LDAH: variants seen among roughly 807,000 people sequenced by gnomAD.
The protein encoded by LDAH is lipid droplet-associated hydrolase.
In LDAH, 26 loss-of-function variants were observed where a neutral mutation model predicts 29.6. That is an observed-to-expected ratio of 0.88 (90% CI 0.64 to 1.22). The LOEUF (loss-of-function observed/expected upper bound fraction) is 1.22. Ranked by LOEUF, LDAH falls within the 50% of genes most tolerant of loss-of-function variation. LDAH has a pLI of 0.00. For synonymous variants in LDAH, 117 were observed against 133.0 expected (o/e 0.88, Z 0.83); for missense variants, 344 against 387.3 (o/e 0.89, Z 0.94).
At chr2:20,817,299 A>G (rs1034069910) in intron 1 of LDAH, among the ~76,000 whole-genome samples, 7 of 152,076 alleles carry the variant, frequency 4.6e-5, no homozygotes, top group Admixed American at 6.6e-5. Flanking sequence ...TCACTGAAAA[A>G]GATAAAATGA....
intron 3 of LDAH, among the ~76,000 whole-genome samples, chr2:20,775,819 A>G (rs1669784797): frequency 6.6e-6 from 1 of 152,118 alleles, no homozygotes; most frequent in Non-Finnish European, 1.5e-5. Context: ...CACTTTATCA[A>G]ACTTGCACAT....
chr2:20,735,767 T>C (rs533193458), intron 5 of LDAH, among the ~76,000 whole-genome samples: 10 of 152,334 alleles, frequency 6.6e-5, no homozygotes, highest in Non-Finnish European at 1.0e-4. Flanking sequence ...AGTTACCCAT[T>C]TGACTTCTGT....
chr2:20,811,237 G>C (rs936963296), intron 1 of LDAH, among the ~76,000 whole-genome samples: 13 of 151,756 alleles, frequency 8.6e-5, no homozygotes, highest in Middle Eastern at 3.4e-3. Context: ...CCAGGATGGT[G>C]TCGATCTCCT....
At chr2:20,798,919 A>G (rs527667312) in intron 2 of LDAH, among the ~76,000 whole-genome samples, 1 of 152,032 alleles carries the variant, frequency 6.6e-6, no homozygotes, top group Non-Finnish European at 1.5e-5. Flanking sequence ...GAAGAAATAT[A>G]AGTATTTCAT....
Position 20,744,045 on chromosome 2 carries a change from C to T in LDAH, c.469-3840G>A, listed in dbSNP as rs1274768079. The stretch of plus-strand genomic sequence containing the variant: ...GGTGTTTTTACTCTCTAGCATTTCT[C>T]TTTGCTTTTTCCTTAGGATTTCCAT... On this transcript the variant is annotated intron_variant, in intron 4 of 6. Transcript: ENST00000237822. 2.6e-5 allele frequency among the ~76,000 whole-genome samples: 4 copies of T among 151,870 alleles called. No individual in the cohort carries two copies. The East Asian group carries it at 7.7e-4, about 29-fold the overall frequency.
chr2:20,756,493 T>A (rs1399520218), intron 4 of LDAH, among the ~76,000 whole-genome samples: 1 of 151,834 alleles, frequency 6.6e-6, no homozygotes, highest in Non-Finnish European at 1.5e-5. Flanking sequence ...CTCTAAAAAA[T>A]GTTTTCCTGA....
chr2:20,715,330 GC>G (rs1281515749), intron 5 of LDAH, among the ~76,000 whole-genome samples: 6 of 152,210 alleles, frequency 3.9e-5, no homozygotes, highest in Middle Eastern at 3.4e-3. Flanking sequence ...AAATTCAACA[GC>G]CCTTCATGCT....
At chr2:20,783,843 G>A (rs1431829170) in intron 3 of LDAH, among the ~76,000 whole-genome samples, 1 of 152,068 alleles carries the variant, frequency 6.6e-6, no homozygotes, top group African/African-American at 2.4e-5. Context: ...TCCTGAGTAG[G>A]CTGAACCACA....
At chr2:20,816,750 G>A (rs1672877365) in intron 1 of LDAH, among the ~76,000 whole-genome samples, 1 of 151,640 alleles carries the variant, frequency 6.6e-6, no homozygotes, top group Non-Finnish European at 1.5e-5. Context: ...ATAGAACACT[G>A]CAACCAATAA....
chr2:20,727,895 G>A (rs1666127191), intron 5 of LDAH, among the ~76,000 whole-genome samples: 1 of 152,182 alleles, frequency 6.6e-6, no homozygotes, highest in Non-Finnish European at 1.5e-5. Context: ...ACTAACTGAT[G>A]TAGGGCTACT....
chr2:20,819,112 A>T (rs935280600), intron 1 of LDAH, among the ~76,000 whole-genome samples: 1 of 152,094 alleles, frequency 6.6e-6, no homozygotes, highest in South Asian at 2.1e-4. Context: ...CACACACTAC[A>T]CTCAAGATGA....
intron 1 of LDAH, among the ~76,000 whole-genome samples, chr2:20,804,060 C>G (rs1009844005): frequency 3.3e-5 from 5 of 152,168 alleles, no homozygotes; most frequent in Non-Finnish European, 7.3e-5. Context: ...ACCTCTTCCT[C>G]TAAACTCACA....
intron 5 of LDAH, among the ~76,000 whole-genome samples, chr2:20,708,604 G>A (rs1434122628): frequency 6.6e-6 from 1 of 152,112 alleles, no homozygotes; most frequent in East Asian, 1.9e-4. Flanking sequence ...TTCAACAACT[G>A]GAACTTGGAC....
chr2:20,761,389 A>C (rs1181458825), intron 4 of LDAH, among the ~76,000 whole-genome samples: 1 of 22,896 alleles, frequency 4.4e-5, no homozygotes, highest in East Asian at 7.5e-4. Flanking sequence ...TGTGGCTATA[A>C]AAAAAAATTA....
chr2:20,702,143 A>G (rs1663991920), intron 5 of LDAH, among the ~76,000 whole-genome samples: 1 of 152,092 alleles, frequency 6.6e-6, no homozygotes, highest in Non-Finnish European at 1.5e-5. Flanking sequence ...CAATAGGGTT[A>G]GTCCCATTAC....
chr2:20,798,186 G>A (rs1671434563), intron 2 of LDAH, among the ~76,000 whole-genome samples: 1 of 152,092 alleles, frequency 6.6e-6, no homozygotes, highest in South Asian at 2.1e-4. Flanking sequence ...CCTCTTCTAA[G>A]GAAGCTACTA....
intron 1 of LDAH, among the ~76,000 whole-genome samples, chr2:20,813,714 G>A (rs114815938): frequency 6.6e-6 from 1 of 152,144 alleles, no homozygotes; most frequent in African/African-American, 2.4e-5. Flanking sequence ...CTTTCCCTCT[G>A]CAACCCTATC....
rs564814391 is a variant in LDAH, at chr2:20,790,202, A to G, written c.298+53T>C. ...CTCTTAACCTTAGCAAGCTTGCTAG[A>G]AACATGACCCTGCACTCACTCTAAA... On this transcript the variant is annotated intron_variant, in intron 3 of 6. Transcript: ENST00000237822. The G allele has an allele frequency of 3.2e-6, 5 of 1,584,250 alleles. No individual in the cohort carries two copies. In the Admixed American group the frequency reaches 8.7e-5, roughly 28 times the overall value.
At chr2:20,738,086 TA>T (rs55838496) in intron 5 of LDAH, among the ~76,000 whole-genome samples, 26,197 of 150,578 alleles carry the variant, frequency 0.17, 2,797 homozygotes, top group Admixed American at 0.25. Context: ...ACTCTGTCTC[TA>T]AAAAAAATAA....
Sources: gnomAD v4.1 joint callset for allele counts (sites outside exome capture counted in the v4.1 genomes callset) on GRCh38, gnomAD v4.1.1 for gene constraint, MANE v1.5 for transcripts, NCBI Gene and HGNC (gene_info 2026-07-23, HGNC 2026-07-21) for gene names.